Variants in CTNNA3 observed in about 807,000 individuals in gnomAD.
CTNNA3 encodes catenin alpha 3.
Under a neutral mutation model 95.7 loss-of-function variants are expected in CTNNA3, and 76 were observed. The ratio of observed to expected loss-of-function variants is 0.79; its 90% confidence interval spans 0.66 to 0.96. CTNNA3 has a LOEUF of 0.96. Among genes scored for constraint, CTNNA3 ranks in the 40% least tolerant of loss-of-function variants. The pLI is 0.00. For synonymous variants in CTNNA3, 431 were observed against 374.4 expected (o/e 1.15, Z -1.74); for missense variants, 1,191 against 1,089.8 (o/e 1.09, Z -1.31).
chr10:67,027,448 T>TTC (rs1354902709), intron 7 of CTNNA3, among the ~76,000 whole-genome samples: 4 of 151,152 alleles, frequency 2.6e-5, no homozygotes, highest in Non-Finnish European at 5.9e-5. Flanking sequence ...TTTTTTTTTT[T>TTC]TTTTGATACA....
chr10:66,330,755 T>A (rs2092315886), intron 12 of CTNNA3, among the ~76,000 whole-genome samples: 1 of 152,102 alleles, frequency 6.6e-6, no homozygotes, highest in Non-Finnish European at 1.5e-5. Context: ...TTTTTAATGA[T>A]CACCATTCTA....
At chr10:67,114,592 A>G (rs1322445435) in intron 7 of CTNNA3, among the ~76,000 whole-genome samples, 3 of 152,158 alleles carry the variant, frequency 2.0e-5, no homozygotes, top group Non-Finnish European at 4.4e-5. Flanking sequence ...AACTACCAGC[A>G]CACACCTAAA....
intron 7 of CTNNA3, among the ~76,000 whole-genome samples, chr10:67,041,961 C>G (rs1385563005): frequency 5.3e-5 from 8 of 151,968 alleles, no homozygotes. Context: ...AACAGAAGGA[C>G]ACATTGGGCA....
chr10:66,739,942 A>G lies in CTNNA3; in HGVS notation c.1281+26322T>C, dbSNP rs141728519. On this transcript the variant is annotated intron_variant, in intron 9 of 17. Coordinates refer to ENST00000433211, the MANE Select transcript of CTNNA3 (RefSeq NM_013266.4). ...TCTGGCTGTGTGTATTAAAACATGA[A>G]GAACAAAGCCCTCCTGAGACAACAT... Among the ~76,000 whole-genome samples the G allele has an allele frequency of 2.9e-4, 44 of 152,338 alleles. No individual in the cohort carries two copies. The East Asian group carries it at 8.3e-3, about 29-fold the overall frequency.
intron 5 of CTNNA3, among the ~76,000 whole-genome samples, chr10:67,241,847 T>A (rs140022662): frequency 3.3e-4 from 50 of 152,296 alleles, no homozygotes; most frequent in African/African-American, 1.2e-3. Context: ...GTGATGGTGA[T>A]TTTTTTCAGA....
intron 12 of CTNNA3, among the ~76,000 whole-genome samples, chr10:66,330,422 G>C (rs1443456595): frequency 1.3e-5 from 2 of 151,600 alleles, no homozygotes; most frequent in East Asian, 1.9e-4. Flanking sequence ...TGGCTGCATA[G>C]TATTCCATGG....
chr10:67,614,692 C>T (rs1310877758), intron 2 of CTNNA3, among the ~76,000 whole-genome samples: 1 of 152,204 alleles, frequency 6.6e-6, no homozygotes, highest in East Asian at 1.9e-4. Flanking sequence ...CAGTTCCTAA[C>T]AGGCCATGGA....
chr10:65,973,161 A>C (rs553357587), intron 16 of CTNNA3, among the ~76,000 whole-genome samples: 1 of 152,222 alleles, frequency 6.6e-6, no homozygotes, highest in Admixed American at 6.5e-5. Context: ...CAGAAGAATT[A>C]AACTGGACCC....
intron 11 of CTNNA3, among the ~76,000 whole-genome samples, chr10:66,505,929 T>A (rs1337952872): frequency 1.3e-5 from 2 of 152,152 alleles, no homozygotes; most frequent in Non-Finnish European, 2.9e-5. Flanking sequence ...CAAAACTGGA[T>A]AATCTATAAA....
intron 11 of CTNNA3, among the ~76,000 whole-genome samples, chr10:66,384,103 C>A (rs907527865): frequency 6.6e-6 from 1 of 152,030 alleles, no homozygotes; most frequent in Non-Finnish European, 1.5e-5. Flanking sequence ...ATAATACTAA[C>A]CTTAAGTGCA....
At chr10:67,575,600 T>G (rs1408890063) in intron 3 of CTNNA3, among the ~76,000 whole-genome samples, 1 of 152,122 alleles carries the variant, frequency 6.6e-6, no homozygotes, top group Non-Finnish European at 1.5e-5. Context: ...ATCACCTCAG[T>G]TTTCAGACCC....
intron 12 of CTNNA3, among the ~76,000 whole-genome samples, chr10:66,372,348 T>C (rs2092760673): frequency 6.6e-6 from 1 of 152,174 alleles, no homozygotes; most frequent in Non-Finnish European, 1.5e-5. Flanking sequence ...TGTGACCTCT[T>C]TCTCTTTCTA....
At chr10:67,202,265 T>A (rs200628799) in intron 6 of CTNNA3, among the ~76,000 whole-genome samples, 40 of 151,256 alleles carry the variant, frequency 2.6e-4, no homozygotes, top group East Asian at 2.4e-3. Flanking sequence ...AAATTATAGA[T>A]CCATGGCTAG....
intron 15 of CTNNA3, among the ~76,000 whole-genome samples, chr10:66,043,978 G>A (rs2079763411): frequency 6.8e-6 from 1 of 147,640 alleles, no homozygotes; most frequent in African/African-American, 2.4e-5. Context: ...GTGTGTGTGT[G>A]TGTGTGTGTG....
chr10:66,801,113 A>G (rs1171107509), intron 7 of CTNNA3, among the ~76,000 whole-genome samples: 1 of 151,422 alleles, frequency 6.6e-6, no homozygotes, highest in Non-Finnish European at 1.5e-5. Context: ...CCTCTATTCA[A>G]TAATAAGCTG....
At chr10:67,437,102 G>C (rs1219167408) in intron 5 of CTNNA3, among the ~76,000 whole-genome samples, 1 of 152,156 alleles carries the variant, frequency 6.6e-6, no homozygotes, top group Non-Finnish European at 1.5e-5. Flanking sequence ...AGTGGATAAA[G>C]AAACTGCAGT....
chr10:66,087,981 G>T (rs80014373), intron 14 of CTNNA3, among the ~76,000 whole-genome samples: 4,384 of 151,982 alleles, frequency 0.029, 98 homozygotes, highest in Non-Finnish European at 0.042. Context: ...TTCAGTAAGA[G>T]TATATATACT....
chr10:67,592,970 A>T (rs1311661633), intron 3 of CTNNA3, among the ~76,000 whole-genome samples: 1 of 151,872 alleles, frequency 6.6e-6, no homozygotes, highest in African/African-American at 2.4e-5. Flanking sequence ...CCCTTCTCCT[A>T]CCCTCCACCT....
At chr10:67,075,270 A>G (rs926541135) in intron 7 of CTNNA3, among the ~76,000 whole-genome samples, 2 of 152,216 alleles carry the variant, frequency 1.3e-5, no homozygotes, top group African/African-American at 2.4e-5. Flanking sequence ...AATTAAAAAA[A>G]AATCAAAGCC....
Sources: gnomAD v4.1 joint callset for allele counts (sites outside exome capture counted in the v4.1 genomes callset) on GRCh38, gnomAD v4.1.1 for gene constraint, MANE v1.5 for transcripts, NCBI Gene and HGNC (gene_info 2026-07-23, HGNC 2026-07-21) for gene names.